The following PTPRE variants were observed in gnomAD, a reference collection of about 807,000 sequenced individuals.
The protein encoded by PTPRE is receptor-type tyrosine-protein phosphatase epsilon.
Under a neutral mutation model 102.0 loss-of-function variants are expected in PTPRE, and 51 were observed. The ratio of observed to expected loss-of-function variants is 0.50; its 90% CI spans 0.40 to 0.63. PTPRE has a LOEUF of 0.63. PTPRE is among the 30% of genes least tolerant of loss of function. The pLI is 0.00. For missense variants in PTPRE, 752 were observed against 915.1 expected (o/e 0.82, Z 2.30); for synonymous variants, 345 against 348.2 (o/e 0.99, Z 0.10).
At chr10:127,973,916 T>C (rs1410752922) in intron 1 of PTPRE, among the ~76,000 whole-genome samples, 1 of 152,182 alleles carries the variant, frequency 6.6e-6, no homozygotes, top group African/African-American at 2.4e-5. Context: ...TATTGTTAAA[T>C]GGCTGCCCCC....
At chr10:128,060,884 C>G (rs1849527775) in intron 7 of PTPRE, 55 bp from the exon 8 acceptor site, 1 of 1,533,072 alleles carries the variant, frequency 6.5e-7, no homozygotes, top group African/African-American at 1.4e-5. Flanking sequence ...CTGGAAGAGA[C>G]AGCACTGTGA....
chr10:127,934,183 TC>T (rs981693901), intron 1 of PTPRE: 1 of 152,136 alleles, frequency 6.6e-6, no homozygotes, highest in Non-Finnish European at 1.5e-5. Context: ...TTCCCTTTTT[TC>T]TTTGCACTAT....
chr10:128,070,951 C>G lies in PTPRE; in HGVS notation c.1387+50C>G, dbSNP rs762473715. On this transcript the variant is annotated intron_variant, in intron 15 of 20. Coordinates refer to ENST00000254667, the MANE Select transcript of PTPRE (RefSeq NM_006504.6). The surrounding 1 kb of genome is among the most constrained non-coding windows in gnomAD (Gnocchi z 4.8). ...GGCAGGGCTGGGGCGGGGCTGGTGC[C>G]GGAGGCTTTCATCCTGGAGAAGCCA... is the stretch of plus-strand genomic sequence containing the variant. 14 of 1,549,852 alleles carry G rather than the reference C, an allele frequency of 9.0e-6. No individual in the cohort carries two copies. Among genetic ancestry groups the G allele is most frequent in the Non-Finnish European group, 1.2e-5 (14 of 1,124,672 alleles).
chr10:128,015,539 T>C (rs1845351727), intron 2 of PTPRE, among the ~76,000 whole-genome samples: 3 of 152,286 alleles, frequency 2.0e-5, no homozygotes, highest in South Asian at 4.2e-4. Context: ...GCTAATTTTT[T>C]GTATTTTTAG....
Position 128,070,717 on chromosome 10 carries a change from C to G in PTPRE, c.1294-91C>G. 1 of 1,386,636 alleles carries G rather than the reference C, an allele frequency of 7.2e-7. No homozygotes were observed. Among genetic ancestry groups the G allele is most frequent in the Non-Finnish European group, 1.0e-6 (1 of 1,000,792 alleles). The allele number at this position is 1,386,636 out of a possible 1,614,324, so 85.9% of individuals were successfully genotyped here. On this transcript the variant is annotated intron_variant, in intron 14 of 20. Transcript: ENST00000254667. This position sits in a 1 kb window ranked among gnomAD's most constrained non-coding sequence, Gnocchi z 4.8. The stretch of plus-strand genomic sequence containing the variant: ...TGGAGAGTGGTTTCCTTTGAGCAGG[C>G]GTCCTTGCCAGCAGCACTAGTCCTC...
chr10:128,046,226 A>G (rs751375923), intron 3 of PTPRE, among the ~76,000 whole-genome samples: 5 of 152,192 alleles, frequency 3.3e-5, no homozygotes, highest in Non-Finnish European at 2.9e-5. Flanking sequence ...GGCGGAAGGC[A>G]TGAGGGTCCC....
chr10:128,023,827 G>C (rs1166658732), intron 2 of PTPRE, among the ~76,000 whole-genome samples: 2 of 152,206 alleles, frequency 1.3e-5, no homozygotes, highest in East Asian at 3.8e-4. Flanking sequence ...TGTCTTCAGG[G>C]CACGCTTTCG....
chr10:128,043,969 G>A (rs949153771), intron 3 of PTPRE, among the ~76,000 whole-genome samples: 1 of 152,078 alleles, frequency 6.6e-6, no homozygotes. Context: ...ATTATAATCA[G>A]TATCATTTTT....
At chr10:127,956,928 T>C (rs918637270) in intron 1 of PTPRE, among the ~76,000 whole-genome samples, 3 of 152,220 alleles carry the variant, frequency 2.0e-5, no homozygotes, top group Admixed American at 1.3e-4. Flanking sequence ...GTTTATTTTC[T>C]TATTGTGAGT....
chr10:127,975,983 A>C (rs1471739851), intron 1 of PTPRE, among the ~76,000 whole-genome samples: 1 of 152,070 alleles, frequency 6.6e-6, no homozygotes, highest in East Asian at 1.9e-4. Flanking sequence ...GGATGCAGTG[A>C]TCCCTGTTGG....
At chr10:128,057,570 TA>T (rs1247332386) in intron 7 of PTPRE, among the ~76,000 whole-genome samples, 1 of 152,238 alleles carries the variant, frequency 6.6e-6, no homozygotes, top group African/African-American at 2.4e-5. Context: ...GTGCACTTTT[TA>T]GAAATAATTC....
At chr10:127,997,202 C>T (rs1256554021) in intron 2 of PTPRE, among the ~76,000 whole-genome samples, 1 of 152,130 alleles carries the variant, frequency 6.6e-6, no homozygotes, top group Non-Finnish European at 1.5e-5. Flanking sequence ...ATGCTTTTCC[C>T]GGGAATCAAA....
chr10:127,994,260 G>T (rs1013497357), intron 2 of PTPRE, among the ~76,000 whole-genome samples: 3 of 152,168 alleles, frequency 2.0e-5, no homozygotes, highest in Admixed American at 6.5e-5. Context: ...TTTTCCGGGG[G>T]AGCACAGCCA....
rs1849937272 is a variant in PTPRE, at chr10:127,962,880, G to T, written c.-30-19394G>T. Among the ~76,000 whole-genome samples, 2 of 152,240 alleles carry T rather than the reference G, an allele frequency of 1.3e-5. 1 individual carries two copies. The highest frequency in any genetic ancestry group is 4.1e-4 in the South Asian group (2 of 4,836). ...TCCTGGGCTTAGGTCACGCCCAGGT[G>T]CACAGGAAGGATCTTGCATCCCAGG... On this transcript the variant is annotated intron_variant, in intron 1 of 20. Transcript: ENST00000254667.
At chr10:128,075,697 T>C (rs2136056721) in intron 17 of PTPRE, among the ~76,000 whole-genome samples, 1 of 152,364 alleles carries the variant, frequency 6.6e-6, no homozygotes, top group Middle Eastern at 3.4e-3. Flanking sequence ...TCTCAAGGTG[T>C]CCTAATTATT....
At chr10:128,009,143 T>C (rs1350604367) in intron 2 of PTPRE, among the ~76,000 whole-genome samples, 2 of 152,216 alleles carry the variant, frequency 1.3e-5, no homozygotes, top group Non-Finnish European at 2.9e-5. Context: ...GGGGTCTCAC[T>C]GTCCAGCAGC....
intron 1 of PTPRE, among the ~76,000 whole-genome samples, chr10:127,960,809 G>A (rs745531483): frequency 2.0e-5 from 3 of 152,066 alleles, no homozygotes; most frequent in South Asian, 2.1e-4. Flanking sequence ...GGATCACTAG[G>A]TCAGGAGATC....
chr10:127,923,597 T>C (rs1041536697), intron 1 of PTPRE, among the ~76,000 whole-genome samples: 3 of 152,086 alleles, frequency 2.0e-5, no homozygotes, highest in African/African-American at 7.2e-5. Flanking sequence ...AAGGACTGGG[T>C]TTCACCACGT....
intron 3 of PTPRE, among the ~76,000 whole-genome samples, chr10:128,045,871 C>T (rs1231264931): frequency 6.6e-6 from 1 of 152,184 alleles, no homozygotes; most frequent in African/African-American, 2.4e-5. Flanking sequence ...GTCACAGACA[C>T]CTGAGTGTGG....
Sources: allele counts gnomAD v4.1 joint callset (sites outside exome capture counted in the v4.1 genomes callset), GRCh38; gene constraint gnomAD v4.1.1; non-coding constraint Gnocchi (gnomAD v3.1); transcripts MANE v1.5; gene names NCBI Gene and HGNC (gene_info 2026-07-23, HGNC 2026-07-21).